Variants in SMC6 observed in about 807,000 individuals in gnomAD.
SMC6 encodes structural maintenance of chromosomes protein 6.
A neutral mutation model predicts 142.2 loss-of-function variants in SMC6; 79 were observed. The observed-to-expected ratio is 0.56, with a 90% confidence interval of 0.46 to 0.67. SMC6 has a LOEUF of 0.67. Among genes scored for constraint, SMC6 ranks in the 30% least tolerant of loss-of-function variants. The probability of loss-of-function intolerance (pLI) is 0.00; values close to 1 mark genes in which losing one functional copy is unlikely to be tolerated. For synonymous variants in SMC6, 411 were observed against 412.4 expected (o/e 1.00, Z 0.04); for missense variants, 1,072 against 1,284.0 (o/e 0.83, Z 2.52).
At chr2:17,727,794 G>A (rs960930815) in intron 7 of SMC6, among the ~76,000 whole-genome samples, 5 of 152,124 alleles carry the variant, frequency 3.3e-5, no homozygotes, top group African/African-American at 9.7e-5. Context: ...TGTGTAATTT[G>A]TTGGTATACC....
intron 19 of SMC6, 82 bp downstream of exon 19, chr2:17,703,075 G>A: frequency 1.1e-6 from 1 of 885,224 alleles, no homozygotes. Flanking sequence ...ATTGCTTGGA[G>A]TCAATAATGG....
chr2:17,685,082 C>A (rs1667388794), intron 23 of SMC6, among the ~76,000 whole-genome samples: 1 of 144,346 alleles, frequency 6.9e-6, no homozygotes. Context: ...ATGTGGAAAA[C>A]ACATAGATGG....
rs548275497 is a variant in SMC6 at position 17,686,972 on chromosome 2, G to T, written c.2679-3209C>A. 3.3e-5 allele frequency among the ~76,000 whole-genome samples: 5 copies of T among 152,228 alleles called. No individual in the cohort carries two copies. The South Asian group carries it at 1.0e-3, about 32-fold the overall frequency. On this transcript the variant is annotated intron_variant, in intron 23 of 27. Coordinates refer to ENST00000448223, the MANE Select transcript of SMC6 (RefSeq NM_001142286.2). ...TATAAGGTGTATATAAAACATAAAT[G>T]AATTTTTGTGTTTAGATTTGGGTCC...
chr2:17,701,261 C>T (rs554449929), intron 20 of SMC6, among the ~76,000 whole-genome samples: 3 of 151,938 alleles, frequency 2.0e-5, no homozygotes, highest in East Asian at 1.9e-4. Context: ...AGCAGACACT[C>T]GATAAATATT....
At chr2:17,668,187 T>C (rs1666590954) in intron 26 of SMC6, among the ~76,000 whole-genome samples, 1 of 152,318 alleles carries the variant, frequency 6.6e-6, no homozygotes, top group African/African-American at 2.4e-5. Context: ...AAATCTGACA[T>C]ACAAGATGAG....
At chr2:17,734,524 T>C (rs1344635021) in intron 5 of SMC6, among the ~76,000 whole-genome samples, 3 of 151,470 alleles carry the variant, frequency 2.0e-5, no homozygotes, top group Non-Finnish European at 4.4e-5. Flanking sequence ...CATTAGCTAG[T>C]ATGATTACTT....
chr2:17,735,748 G>A (rs1304359381), intron 5 of SMC6, among the ~76,000 whole-genome samples: 1 of 152,216 alleles, frequency 6.6e-6, no homozygotes, highest in Non-Finnish European at 1.5e-5. Context: ...TCACTGCAAA[G>A]GCTTGGTGGA....
At chr2:17,676,364 TA>T (rs1034673190) in intron 25 of SMC6, among the ~76,000 whole-genome samples, 26 of 152,062 alleles carry the variant, frequency 1.7e-4, no homozygotes, top group Non-Finnish European at 3.5e-4. Flanking sequence ...TTTCCTACTT[TA>T]AAAAAAATTA....
In SMC6 at chr2:17,664,937, T is replaced by G. The variant is rs1666427746; in HGVS notation, c.*562A>C. 1 of 152,260 alleles carries G rather than the reference T, an allele frequency of 6.6e-6. No homozygotes were observed. Among genetic ancestry groups the G allele is most frequent in the South Asian group, 2.1e-4 (1 of 4,830 alleles). 9.4% of individuals were successfully genotyped at this position (152,260 alleles called of 1,614,324 possible). ...CATTATCCAGTTCTGATACTGGTTA[T>G]AAGCTCTTGGTAGGGTGGACAGTTA... On this transcript the variant is annotated 3_prime_UTR_variant, in exon 28 of 28. Transcript: ENST00000448223.
intron 21 of SMC6, among the ~76,000 whole-genome samples, chr2:17,697,752 C>T (rs1015236361): frequency 3.3e-5 from 5 of 151,982 alleles, no homozygotes; most frequent in Non-Finnish European, 7.4e-5. Context: ...TTGGTGAGAA[C>T]ATTAAATGGT....
rs182387640 is a variant in SMC6 at position 17,714,094 on chromosome 2, T to G, written c.1730+767A>C. Among the ~76,000 whole-genome samples the G allele has an allele frequency of 3.4e-3, 138 of 40,946 alleles. 1 individual carries two copies. Among genetic ancestry groups the G allele is most frequent in the East Asian group, 0.028 (124 of 4,362 alleles). The allele number at this position is 40,946 out of a possible 152,430, so 26.9% of individuals were successfully genotyped here. On this transcript the variant is annotated intron_variant, in intron 16 of 27. Coordinates refer to ENST00000448223, the MANE Select transcript of SMC6 (RefSeq NM_001142286.2). ...TACATTCATTTTTTGTTTTTTTTGTTTTTTTTTTTTTTGAGACACAGTCTC... is the reference window on the plus strand; with the variant it reads ...TACATTCATTTTTTGTTTTTTTTGTGTTTTTTTTTTTTGAGACACAGTCTC...
chr2:17,719,860 G>T (rs1669282953), intron 11 of SMC6, among the ~76,000 whole-genome samples: 1 of 151,420 alleles, frequency 6.6e-6, no homozygotes, highest in African/African-American at 2.4e-5. Flanking sequence ...ACCCTTAAAA[G>T]AAAAAAAAGA....
intron 25 of SMC6, among the ~76,000 whole-genome samples, chr2:17,671,508 C>T (rs184004743): frequency 1.8e-3 from 268 of 146,720 alleles, no homozygotes; most frequent in African/African-American, 6.4e-3. Flanking sequence ...ACTTGGGAGG[C>T]TGAGGTGGGA....
intron 3 of SMC6, 63 bp downstream of exon 3, chr2:17,745,764 T>C (rs933725873): frequency 1.4e-5 from 21 of 1,489,912 alleles, no homozygotes; most frequent in Non-Finnish European, 1.7e-5. Flanking sequence ...TCACAGAATG[T>C]GATATGATGA....
At chr2:17,703,015 T>C (rs2124943877) in intron 19 of SMC6, 142 bp downstream of exon 19, 1 of 447,982 alleles carries the variant, frequency 2.2e-6, no homozygotes, top group South Asian at 6.4e-5. Context: ...CCCACATAAA[T>C]GAAAGCTCTT....
At chr2:17,739,689 T>C (rs1572355878) in intron 4 of SMC6, among the ~76,000 whole-genome samples, 2 of 152,150 alleles carry the variant, frequency 1.3e-5, no homozygotes, top group East Asian at 3.9e-4. Flanking sequence ...GGCATGTGCC[T>C]GTGGTCCTAG....
At chr2:17,718,791 C>A (rs1459058993) in intron 11 of SMC6, among the ~76,000 whole-genome samples, 1 of 151,978 alleles carries the variant, frequency 6.6e-6, no homozygotes. Flanking sequence ...TGGCAGGAGA[C>A]GAGATGAAGG....
chr2:17,716,299 G>C, intron 14 of SMC6, 35 bp from the exon 15 acceptor site: 1 of 1,574,026 alleles, frequency 6.4e-7, no homozygotes, highest in Non-Finnish European at 8.6e-7. Context: ...GAACATATAT[G>C]TGATAGTTTT....
At chr2:17,699,655 AGTTTATT>A (rs1668175952) in intron 21 of SMC6, among the ~76,000 whole-genome samples, 1 of 151,968 alleles carries the variant, frequency 6.6e-6, no homozygotes, top group African/African-American at 2.4e-5. Flanking sequence ...GTTTTTCTTT[AGTTTATT>A]TTTTCTCTGT....
Sources: allele counts gnomAD v4.1 joint callset (sites outside exome capture counted in the v4.1 genomes callset), GRCh38; gene constraint gnomAD v4.1.1; transcripts MANE v1.5; gene names NCBI Gene and HGNC (gene_info 2026-07-23, HGNC 2026-07-21).